CELF4: variants seen among roughly 807,000 people sequenced by gnomAD.
The protein encoded by CELF4 is CUG-BP- and ETR-3-like factor 4.
Under a neutral mutation model 59.9 loss-of-function variants are expected in CELF4, and 18 were observed. That is an observed-to-expected ratio of 0.30 (90% CI 0.21 to 0.45). The LOEUF is 0.45. Ranked by LOEUF, CELF4 falls within the 20% of genes least tolerant of loss-of-function variation. The pLI, the probability that CELF4 is intolerant of heterozygous loss-of-function variation, is 1.00. For missense variants in CELF4, 456 were observed against 689.0 expected (o/e 0.66, Z 3.79); for synonymous variants, 261 against 267.1 (o/e 0.98, Z 0.22).
chr18:37,259,283 G>A lies in CELF4; in HGVS notation c.1250-19C>T. ...TCGGGCCCTGCGGTGAGGGGAGGGG[G>A]TGGGCGGGGGAGGAGGGATGGCAGG... On this transcript the variant is annotated intron_variant, in intron 10 of 12. Coordinates refer to ENST00000420428, the MANE Select transcript of CELF4 (RefSeq NM_020180.4). 2 of 979,088 alleles carry A rather than the reference G, an allele frequency of 2.0e-6. No individual in the cohort carries two copies. The highest frequency in any genetic ancestry group is 3.2e-6 in the Non-Finnish European group (2 of 625,534). The allele number at this position is 979,088 out of a possible 1,614,324, so 60.7% of individuals were successfully genotyped here.
chr18:37,437,847 G>A (rs2099698138), intron 2 of CELF4, among the ~76,000 whole-genome samples: 1 of 152,200 alleles, frequency 6.6e-6, no homozygotes, highest in South Asian at 2.1e-4. Context: ...CTTGACGTTT[G>A]TGTCCCCCTG....
rs139898550 is a variant in CELF4 at position 37,548,889 on chromosome 18, G to A, written c.286+16467C>T. Among the ~76,000 whole-genome samples, 527 of 152,310 alleles carry A rather than the reference G, an allele frequency of 3.5e-3. 2 individuals are homozygous for A. The highest frequency in any genetic ancestry group is 0.012 in the African/African-American group (492 of 41,564). On this transcript the variant is annotated intron_variant, in intron 1 of 12. Coordinates refer to ENST00000420428, the MANE Select transcript of CELF4 (RefSeq NM_020180.4). ...CTGCAGCAGGCAGTGTCCAAGGCAC[G>A]AAACACTGCCCACCCCCAGGAGCCC... is the stretch of plus-strand genomic sequence containing the variant.
At chr18:37,520,335 G>A (rs544142191) in intron 1 of CELF4, among the ~76,000 whole-genome samples, 16 of 152,264 alleles carry the variant, frequency 1.1e-4, no homozygotes, top group East Asian at 1.9e-4. Flanking sequence ...TCCAGAGAGC[G>A]GTCCCAGGAA....
At chr18:37,326,998 C>T (rs1168033966) in intron 2 of CELF4, among the ~76,000 whole-genome samples, 1 of 152,166 alleles carries the variant, frequency 6.6e-6, no homozygotes, top group Non-Finnish European at 1.5e-5. Flanking sequence ...TCATTTGAAC[C>T]AGCCTCCTTG....
chr18:37,519,890 A>G (rs370688655), intron 1 of CELF4, among the ~76,000 whole-genome samples: 1 of 152,294 alleles, frequency 6.6e-6, no homozygotes, highest in East Asian at 1.9e-4. Flanking sequence ...TGAGCCAGGA[A>G]AAGGGACTGG....
chr18:37,338,629 C>T (rs1216881264), intron 2 of CELF4, among the ~76,000 whole-genome samples: 2 of 152,184 alleles, frequency 1.3e-5, no homozygotes, highest in Non-Finnish European at 2.9e-5. Context: ...CCACTGGGCA[C>T]CAGGCCACGT....
In CELF4 at chr18:37,490,714, G is replaced by C. The variant is rs1443974855; in HGVS notation, c.287-5107C>G. Among the ~76,000 whole-genome samples, 28 of 152,124 alleles carry C rather than the reference G, an allele frequency of 1.8e-4. 1 individual carries two copies. Among genetic ancestry groups the C allele is most frequent in the Admixed American group, 1.8e-3 (28 of 15,282 alleles). ...TGTTTGGGGGATGGAAACCATGATG[G>C]TGCAAACACCTCCCCGTCTTTGCCC... On this transcript the variant is annotated intron_variant, in intron 1 of 12. Coordinates refer to ENST00000420428, the MANE Select transcript of CELF4 (RefSeq NM_020180.4).
Position 37,389,883 on chromosome 18 carries a change from G to A in CELF4, c.370-68002C>T, listed in dbSNP as rs145378747. ...CACACACAGGCACAGAGTCATGCAC[G>A]ACTGTCTCACTCAGGGACACTGTCA... On this transcript the variant is annotated intron_variant, in intron 2 of 12. Transcript: ENST00000420428. 6.4e-3 allele frequency among the ~76,000 whole-genome samples: 969 copies of A among 152,316 alleles called. 5 individuals are homozygous for A. The highest frequency in any genetic ancestry group is 0.044 in the Middle Eastern group (13 of 294).
intron 2 of CELF4, among the ~76,000 whole-genome samples, chr18:37,352,812 C>A (rs562058602): frequency 6.6e-6 from 1 of 152,180 alleles, no homozygotes; most frequent in South Asian, 2.1e-4. Context: ...TGCCAGGACT[C>A]AGCTGAGAGG....
intron 2 of CELF4, among the ~76,000 whole-genome samples, chr18:37,418,288 C>T (rs561528207): frequency 9.9e-4 from 151 of 152,276 alleles, no homozygotes; most frequent in Admixed American, 2.1e-3. Flanking sequence ...ATGGAGGTTT[C>T]AAACTTGGTC....
At chr18:37,545,506 A>G (rs920335095) in intron 1 of CELF4, among the ~76,000 whole-genome samples, 1 of 152,138 alleles carries the variant, frequency 6.6e-6, no homozygotes, top group Non-Finnish European at 1.5e-5. Flanking sequence ...GGCTCAGGAG[A>G]TCGGTGTTTC....
chr18:37,338,956 A>G (rs2097887853), intron 2 of CELF4, among the ~76,000 whole-genome samples: 1 of 152,190 alleles, frequency 6.6e-6, no homozygotes, highest in African/African-American at 2.4e-5. Context: ...AAGGAAGACC[A>G]GGCAAGAGGA....
intron 2 of CELF4, among the ~76,000 whole-genome samples, chr18:37,448,294 C>T (rs539402965): frequency 1.6e-4 from 25 of 152,264 alleles, no homozygotes; most frequent in South Asian, 2.1e-4. Flanking sequence ...CTGAGGAGGA[C>T]GGGGCCAGGG....
At chr18:37,373,633 C>T (rs537672820) in intron 2 of CELF4, among the ~76,000 whole-genome samples, 7 of 152,298 alleles carry the variant, frequency 4.6e-5, no homozygotes, top group African/African-American at 1.4e-4. Context: ...CAGGGAGGGT[C>T]GGTAATGTGC....
rs1786069 is a variant in CELF4 at position 37,272,894 on chromosome 18, C to T, written c.949+122G>A. 10,009 of 970,440 alleles carry T rather than the reference C, an allele frequency of 0.01. 572 individuals carry two copies. In the African/African-American group the frequency reaches 0.14, roughly 13 times the overall value. 60.1% of individuals were successfully genotyped at this position (970,440 alleles called of 1,614,324 possible). ...CAAACTGCCAGAAGGCAAGTCCTCT[C>T]GGGCCCAGACACTATGTGCTTTTGC... On this transcript the variant is annotated intron_variant, in intron 7 of 12. Transcript: ENST00000420428.
intron 7 of CELF4, 125 bp from the exon 8 acceptor site, chr18:37,271,042 A>G: frequency 1.3e-6 from 1 of 758,988 alleles, no homozygotes; most frequent in South Asian, 1.9e-5. Context: ...TGGACCTCAC[A>G]TACCAGTTCA....
chr18:37,301,546 A>G (rs943912770), intron 3 of CELF4, among the ~76,000 whole-genome samples: 1 of 152,174 alleles, frequency 6.6e-6, no homozygotes, highest in Non-Finnish European at 1.5e-5. Flanking sequence ...CGTGCCAGGC[A>G]TGGGGCTGGA....
intron 2 of CELF4, among the ~76,000 whole-genome samples, chr18:37,478,209 C>T (rs1463870363): frequency 6.6e-6 from 1 of 152,190 alleles, no homozygotes; most frequent in African/African-American, 2.4e-5. Flanking sequence ...GAGAGGCGAT[C>T]TGGCCCACCG....
chr18:37,402,384 G>C (rs992157603), intron 2 of CELF4, among the ~76,000 whole-genome samples: 2 of 152,162 alleles, frequency 1.3e-5, no homozygotes, highest in African/African-American at 4.8e-5. Context: ...ATATACCACT[G>C]CTCACCTCCA....
Sources: allele counts gnomAD v4.1 joint callset (sites outside exome capture counted in the v4.1 genomes callset), GRCh38; gene constraint gnomAD v4.1.1; transcripts MANE v1.5; gene names NCBI Gene and HGNC (gene_info 2026-07-23, HGNC 2026-07-21).